TTC3: variants seen among roughly 807,000 people sequenced by gnomAD.
TTC3 encodes E3 ubiquitin-protein ligase TTC3.
Under a neutral mutation model 249.6 loss-of-function variants are expected in TTC3, and 180 were observed. The observed-to-expected ratio is 0.72, with a 90% CI of 0.64 to 0.82. The LOEUF (loss-of-function observed/expected upper bound fraction) is 0.82. Ranked by LOEUF, TTC3 falls within the 40% of genes least tolerant of loss-of-function variation. TTC3 has a pLI of 0.00. For missense variants in TTC3, 2,061 were observed against 2,398.4 expected, an observed-to-expected ratio of 0.86 and a Z score of 2.94; for synonymous variants, 717 against 805.0, an observed-to-expected ratio of 0.89 and a Z score of 1.85.
chr21:37,153,069 A>T (rs753825636), exon 27 of TTC3: 2 of 1,613,872 alleles, frequency 1.2e-6, no homozygotes, highest in South Asian at 2.2e-5. Flanking sequence ...TTCTCAAAGA[A>T]TTGCTTTCTT....
At chr21:37,094,349 T>C (rs1370071505) in intron 8 of TTC3, among the ~76,000 whole-genome samples, 1 of 152,202 alleles carries the variant, frequency 6.6e-6, no homozygotes, top group Non-Finnish European at 1.5e-5. Context: ...TGAGATGTAA[T>C]TCATGTGCTA....
intron 20 of TTC3, among the ~76,000 whole-genome samples, chr21:37,142,814 C>T (rs376710148): frequency 6.6e-6 from 1 of 152,162 alleles, no homozygotes; most frequent in Non-Finnish European, 1.5e-5. Flanking sequence ...AAGAATAAAG[C>T]TGGAGGCATC....
chr21:37,117,992 G>A (rs2147852369), intron 11 of TTC3, among the ~76,000 whole-genome samples: 1 of 151,716 alleles, frequency 6.6e-6, no homozygotes, highest in Middle Eastern at 3.4e-3. Flanking sequence ...CCTTCTCAGG[G>A]GATACTCTCT....
chr21:37,083,206 GTT>G (rs1163960392), intron 1 of TTC3: 20 of 985,314 alleles, frequency 2.0e-5, no homozygotes, highest in Non-Finnish European at 2.4e-5. Context: ...TGCAGAATAA[GTT>G]TTGTTTAGGA....
chr21:37,132,808 G>T, intron 17 of TTC3, 42 bp downstream of exon 17: 2 of 1,468,958 alleles, frequency 1.4e-6, no homozygotes, highest in South Asian at 2.6e-5. Context: ...AAAACTCTTT[G>T]AACAAAACAT....
exon 33 of TTC3, chr21:37,165,701 G>T (rs768121014): frequency 6.2e-7 from 1 of 1,613,614 alleles, no homozygotes; most frequent in African/African-American, 1.3e-5. Flanking sequence ...CCCTCGTTTT[G>T]TTGTGATTGA....
At chr21:37,139,758 G>A (rs754157061) in intron 19 of TTC3, among the ~76,000 whole-genome samples, 4 of 151,988 alleles carry the variant, frequency 2.6e-5, no homozygotes, top group Non-Finnish European at 5.9e-5. Context: ...TAGAATTGAA[G>A]AAATCATTTA....
chr21:37,160,471 A>G (rs987619636), intron 29 of TTC3, among the ~76,000 whole-genome samples: 1 of 152,192 alleles, frequency 6.6e-6, no homozygotes, highest in Non-Finnish European at 1.5e-5. Context: ...TAGTAAAAGA[A>G]ATATATTAAT....
At chr21:37,147,568 A>G in exon 22 of TTC3, 3 of 1,611,808 alleles carry the variant, frequency 1.9e-6, no homozygotes, top group Non-Finnish European at 2.5e-6. Context: ...TGGATATTCT[A>G]AGATCCAGAT....
At chr21:37,121,691 T>C (rs2076597279) in intron 11 of TTC3, 126 bp from the exon 12 acceptor site, 1 of 860,684 alleles carries the variant, frequency 1.2e-6, no homozygotes. Context: ...TTATTTTTCA[T>C]TGGTAGGGAC....
chr21:37,136,700 C>T (rs142630729), intron 18 of TTC3, among the ~76,000 whole-genome samples: 5 of 152,264 alleles, frequency 3.3e-5, no homozygotes, highest in African/African-American at 9.6e-5. Context: ...AGTAAGTTAT[C>T]GAGATCTAGT....
chr21:37,081,512 G>C (rs1179381612), intron 1 of TTC3: 3 of 152,124 alleles, frequency 2.0e-5, no homozygotes, highest in African/African-American at 7.2e-5. Context: ...AGTCTAGATA[G>C]AGATTATATT....
chr21:37,170,447 G>A (rs55992706), intron 34 of TTC3, among the ~76,000 whole-genome samples: 80,794 of 152,020 alleles, frequency 0.53, 22,091 homozygotes, highest in African/African-American at 0.64. Context: ...AAATTTCTGG[G>A]AAGGCAGTTA....
intron 18 of TTC3, among the ~76,000 whole-genome samples, chr21:37,136,505 T>C (rs2077951900): frequency 6.6e-6 from 1 of 152,230 alleles, no homozygotes; most frequent in South Asian, 2.1e-4. Flanking sequence ...AACATTCTCT[T>C]AAGCCAGAGC....
chr21:37,200,470 G>A (rs2085380499), intron 45 of TTC3, 146 bp downstream of exon 45: 1 of 859,844 alleles, frequency 1.2e-6, no homozygotes, highest in Non-Finnish European at 1.8e-6. Flanking sequence ...AGTGTTCAGT[G>A]CCTCCCTGTC....
intron 34 of TTC3, among the ~76,000 whole-genome samples, chr21:37,171,202 G>T (rs1472685734): frequency 6.6e-6 from 1 of 152,162 alleles, no homozygotes; most frequent in South Asian, 2.1e-4. Flanking sequence ...AACCAGGTAG[G>T]CTCTGTTGTT....
Position 37,132,670 on chromosome 21 carries a change from T to G in TTC3, c.1359-12T>G. The G allele has an allele frequency of 1.3e-6, 2 of 1,577,422 alleles. No homozygotes were observed. Among genetic ancestry groups the G allele is most frequent in the South Asian group, 2.4e-5 (2 of 83,676 alleles). On this transcript the variant is annotated splice_polypyrimidine_tract_variant and intron_variant, in intron 16 of 45. Coordinates refer to ENST00000355666, the Ensembl canonical transcript of TTC3. ...TTTAAAATGATTTTTAAAAATGCTT[T>G]TTTTCTTTTAGTTCTAGTTCACCAT... is the stretch of plus-strand genomic sequence containing the variant.
At chr21:37,179,622 T>G (rs999671717) in intron 35 of TTC3, among the ~76,000 whole-genome samples, 1 of 152,244 alleles carries the variant, frequency 6.6e-6, no homozygotes, top group African/African-American at 2.4e-5. Flanking sequence ...AATTATCTTT[T>G]ATGCATATTT....
chr21:37,131,785 GA>G (rs1416250862), intron 16 of TTC3, among the ~76,000 whole-genome samples: 1 of 152,146 alleles, frequency 6.6e-6, no homozygotes, highest in Non-Finnish European at 1.5e-5. Context: ...TTGGACAGTT[GA>G]ATTGATACGG....
Sources: allele counts gnomAD v4.1 joint callset (sites outside exome capture counted in the v4.1 genomes callset), GRCh38; gene constraint gnomAD v4.1.1; transcripts MANE v1.5; gene names NCBI Gene and HGNC (gene_info 2026-07-23, HGNC 2026-07-21).